The following LDHB variants were observed in gnomAD, a reference collection of about 807,000 sequenced individuals.
LDHB encodes L-lactate dehydrogenase B chain.
A neutral mutation model predicts 33.4 loss-of-function variants in LDHB; 18 were observed. That is an observed-to-expected ratio of 0.54 (90% CI 0.37 to 0.80). LDHB has a LOEUF of 0.80. Among genes scored for constraint, LDHB ranks in the 30% least tolerant of loss-of-function variants. LDHB has a pLI of 0.00. For synonymous variants in LDHB, 121 were observed against 140.6 expected (o/e 0.86, Z 0.98); for missense variants, 345 against 407.9 (o/e 0.85, Z 1.33).
chr12:21,653,095 A>G (rs1397674203), intron 2 of LDHB, among the ~76,000 whole-genome samples: 4 of 152,222 alleles, frequency 2.6e-5, no homozygotes, highest in Non-Finnish European at 5.9e-5. Flanking sequence ...GAAATAAATA[A>G]GAAAAGGGCT....
chr12:21,635,729 T>A lies in LDHB; in HGVS notation c.838-20A>T, dbSNP rs764840629. On this transcript the variant is annotated intron_variant, in intron 7 of 7. Coordinates refer to ENST00000350669, the MANE Select transcript of LDHB (RefSeq NM_002300.8). ...CATCCCCTGCCAGAACAACAAAGCA[T>A]CGAGATTAAGACATGAAACTGTAAG... The A allele has an allele frequency of 6.2e-7, 1 of 1,611,520 alleles. No homozygotes were observed. Among genetic ancestry groups the A allele is most frequent in the South Asian group, 1.1e-5 (1 of 90,996 alleles).
intron 2 of LDHB, among the ~76,000 whole-genome samples, chr12:21,651,336 T>C (rs1938683735): frequency 6.6e-6 from 1 of 152,190 alleles, no homozygotes; most frequent in Non-Finnish European, 1.5e-5. Context: ...GCGGAGCCAC[T>C]AGTTTTACAA....
At chr12:21,644,441 A>AAT (rs1938466631) in intron 3 of LDHB, among the ~76,000 whole-genome samples, 3 of 147,032 alleles carry the variant, frequency 2.0e-5, no homozygotes, top group African/African-American at 7.5e-5. Context: ...AAAAAAAAAA[A>AAT]AAAACAAAAA....
At chr12:21,641,681 T>C (rs902483410) in intron 5 of LDHB, among the ~76,000 whole-genome samples, 112 of 152,100 alleles carry the variant, frequency 7.4e-4, no homozygotes, top group African/African-American at 2.7e-3. Context: ...AATCTTTGTT[T>C]TGAGGAAATA....
intron 1 of LDHB, chr12:21,657,270 A>T (rs1591838290): frequency 1.3e-5 from 2 of 152,276 alleles, no homozygotes; most frequent in East Asian, 3.8e-4. Context: ...CGTGCTGGTC[A>T]TCTAGGTGCC....
chr12:21,653,797 T>C (rs1231726568), intron 2 of LDHB, among the ~76,000 whole-genome samples: 1 of 152,164 alleles, frequency 6.6e-6, no homozygotes, highest in Admixed American at 6.5e-5. Context: ...CATTTCAAAA[T>C]AAAACCATTA....
chr12:21,652,382 T>C (rs987502497), intron 2 of LDHB, among the ~76,000 whole-genome samples: 1 of 152,230 alleles, frequency 6.6e-6, no homozygotes, highest in Non-Finnish European at 1.5e-5. Flanking sequence ...AGCCATCTCA[T>C]CCAACAGCAA....
intron 5 of LDHB, 21 bp from the exon 6 acceptor site, chr12:21,638,491 AGACATTGCAGTTATTTCTTACATTATTTT>A: frequency 2.2e-6 from 3 of 1,338,710 alleles, no homozygotes; most frequent in Non-Finnish European, 2.1e-6. Flanking sequence ...AAAAAAAAAA[AGACATTGCAGTTATTTCTTACATTATTTT>A]AAAAAATATT....
chr12:21,637,430 A>G (rs1352536046), intron 6 of LDHB: 3 of 378,344 alleles, frequency 7.9e-6, no homozygotes, highest in African/African-American at 2.1e-5. Context: ...AGTTTATTGT[A>G]TAAGTTAAGA....
chr12:21,640,237 A>G (rs1172342323), intron 5 of LDHB, among the ~76,000 whole-genome samples: 1 of 151,570 alleles, frequency 6.6e-6, no homozygotes, highest in Admixed American at 6.6e-5. Context: ...AAATTGTTCA[A>G]AAACAGTTTT....
At chr12:21,639,043 G>C (rs1938291127) in intron 5 of LDHB, among the ~76,000 whole-genome samples, 1 of 151,894 alleles carries the variant, frequency 6.6e-6, no homozygotes. Context: ...GAGACCTTTG[G>C]AGGAGTACAT....
chr12:21,637,887 T>C (rs886099698), intron 6 of LDHB, among the ~76,000 whole-genome samples: 26 of 92,132 alleles, frequency 2.8e-4, no homozygotes, highest in Admixed American at 5.9e-4. Flanking sequence ...TCTCCACATA[T>C]AGTTCAAATT....
At chr12:21,635,796 T>C (rs1938199730) in intron 7 of LDHB, 87 bp from the exon 8 acceptor site, 1 of 1,234,496 alleles carries the variant, frequency 8.1e-7, no homozygotes, top group Non-Finnish European at 1.2e-6. Flanking sequence ...GGAGGACTGT[T>C]TGAGCCCAGG....
At chr12:21,656,223 GT>G (rs1002006975) in intron 1 of LDHB, among the ~76,000 whole-genome samples, 1 of 152,072 alleles carries the variant, frequency 6.6e-6, no homozygotes, top group South Asian at 2.1e-4. Flanking sequence ...TTATCTTATA[GT>G]TTTTTTTCCA....
At chr12:21,645,422 G>GCT (rs1565628095) in intron 3 of LDHB, among the ~76,000 whole-genome samples, 15 of 152,098 alleles carry the variant, frequency 9.9e-5, no homozygotes, top group African/African-American at 3.6e-4. Context: ...AAAGAGGAAG[G>GCT]CCTCTTTGCA....
At chr12:21,650,117 C>G (rs1161886355) in intron 2 of LDHB, among the ~76,000 whole-genome samples, 1 of 127,862 alleles carries the variant, frequency 7.8e-6, no homozygotes, top group Non-Finnish European at 1.7e-5. Context: ...CACACACACA[C>G]ACACACACAC....
chr12:21,642,131 A>C lies in LDHB; in HGVS notation c.422-6T>G, dbSNP rs1310518451. On this transcript the variant is annotated splice_region_variant and splice_polypyrimidine_tract_variant and intron_variant, in intron 4 of 7. Transcript: ENST00000350669. ...AACATACGTAAGAATGTCCACTAAAAATTTTGGAAATAATATATGTAAGTA... is the reference window on the plus strand; with the variant it reads ...AACATACGTAAGAATGTCCACTAAACATTTTGGAAATAATATATGTAAGTA... The C allele has an allele frequency of 1.2e-6, 2 of 1,610,982 alleles. No individual in the cohort carries two copies. Among genetic ancestry groups the C allele is most frequent in the East Asian group, 4.5e-5 (2 of 44,848 alleles).
chr12:21,657,818 T>TC lies in LDHB; in HGVS notation c.-75dup. ...GAGAAGACAAAGTCAGCTGCGTGCG[T>TC]CTCCTCCGGCGCCGGCTCTGCAAGG... is the stretch of plus-strand genomic sequence containing the variant. On this transcript the variant is annotated 5_prime_UTR_variant, in exon 1 of 8. Coordinates refer to ENST00000350669, the MANE Select transcript of LDHB (RefSeq NM_002300.8). 1 of 152,374 alleles carries TC rather than the reference T, an allele frequency of 6.6e-6. No homozygotes were observed. Among genetic ancestry groups the TC allele is most frequent in the East Asian group, 1.9e-4 (1 of 5,170 alleles). The allele number at this position is 152,374 out of a possible 1,614,324, so 9.4% of individuals were successfully genotyped here. A position where few individuals can be genotyped will look rare whatever the true frequency, so the allele number is the denominator to read the frequency against.
At chr12:21,640,911 T>TA (rs1266364813) in intron 5 of LDHB, among the ~76,000 whole-genome samples, 1 of 151,114 alleles carries the variant, frequency 6.6e-6, no homozygotes, top group African/African-American at 2.4e-5. Context: ...AGTGACACAA[T>TA]ATTTTGGGCA....
Sources: allele counts gnomAD v4.1 joint callset (sites outside exome capture counted in the v4.1 genomes callset), GRCh38; gene constraint gnomAD v4.1.1; transcripts MANE v1.5; gene names NCBI Gene and HGNC (gene_info 2026-07-23, HGNC 2026-07-21).